Variants in ZNF423 observed in about 807,000 individuals in gnomAD.
ZNF423 encodes zinc finger protein 423.
A neutral mutation model predicts 95.8 loss-of-function variants in ZNF423; 12 were observed. The observed-to-expected ratio is 0.13, with a 90% CI of 0.08 to 0.20. The LOEUF is 0.20. Among genes scored for constraint, ZNF423 ranks in the 10% least tolerant of loss-of-function variants. ZNF423 has a pLI of 1.00. For missense variants in ZNF423, 1,316 were observed against 1,737.1 expected (o/e 0.76, Z 4.31); for synonymous variants, 749 against 711.9 (o/e 1.05, Z -0.83).
At chr16:49,856,174 C>G (rs2035367299), upstream of ZNF423, 1 of 136,576 alleles carries the variant, frequency 7.3e-6, no homozygotes, top group Non-Finnish European at 1.6e-5. Context: ...AACCCCCCGC[C>G]GGCCCCCGGC....
chr16:49,800,294 G>GC (rs1410859147), intron 1 of ZNF423, among the ~76,000 whole-genome samples: 1 of 151,668 alleles, frequency 6.6e-6, no homozygotes, highest in African/African-American at 2.4e-5. Flanking sequence ...TCACTATGTT[G>GC]CCCAGACTGG....
rs186554312 is a variant in ZNF423 at position 49,713,310 on chromosome 16, T to A, written c.301+17461A>T. ...AATCTGACTTCTGAGCATTTGCTCA[T>A]CCGCAGGATCTAAGAGAGCCCAGGG... On this transcript the variant is annotated intron_variant, in intron 3 of 7. Transcript: ENST00000563137. 1.7e-4 allele frequency among the ~76,000 whole-genome samples: 26 copies of A among 152,338 alleles called. No individual in the cohort carries two copies. The East Asian group carries it at 4.8e-3, about 28-fold the overall frequency.
chr16:49,646,156 G>A (rs1973161420), intron 3 of ZNF423, among the ~76,000 whole-genome samples: 1 of 152,210 alleles, frequency 6.6e-6, no homozygotes, highest in Non-Finnish European at 1.5e-5. Context: ...GGACAACCGA[G>A]GAGAGCCAGT....
chr16:49,722,493 G>A (rs1489724629), intron 3 of ZNF423, among the ~76,000 whole-genome samples: 2 of 152,302 alleles, frequency 1.3e-5, no homozygotes, highest in Non-Finnish European at 2.9e-5. Context: ...CACATCCCTA[G>A]AGCCCAGAGG....
intron 1 of ZNF423, among the ~76,000 whole-genome samples, chr16:49,846,230 G>T (rs1487967386): frequency 2.0e-5 from 3 of 151,458 alleles, no homozygotes; most frequent in African/African-American, 4.9e-5. Flanking sequence ...AGCCTGGGAG[G>T]TGGGGGCTGC....
At chr16:49,566,877 G>A (rs1970210342) in intron 5 of ZNF423, among the ~76,000 whole-genome samples, 1 of 152,048 alleles carries the variant, frequency 6.6e-6, no homozygotes, top group Non-Finnish European at 1.5e-5. Flanking sequence ...CCTTGAGACA[G>A]GGTAGCCTGA....
chr16:49,516,876 A>G (rs141967034), intron 7 of ZNF423, among the ~76,000 whole-genome samples: 78 of 152,278 alleles, frequency 5.1e-4, no homozygotes, highest in African/African-American at 1.7e-3. Context: ...GCTGGCTGCC[A>G]CCGCTGTCAC....
At chr16:49,854,640 A>G (rs1256082138) in intron 1 of ZNF423, 2 of 985,142 alleles carry the variant, frequency 2.0e-6, no homozygotes, top group Non-Finnish European at 2.4e-6. Flanking sequence ...CGGGCACCCA[A>G]CCGAGGGGCT....
chr16:49,849,132 G>T (rs896113561), intron 1 of ZNF423, among the ~76,000 whole-genome samples: 16 of 152,068 alleles, frequency 1.1e-4, no homozygotes, highest in Non-Finnish European at 1.8e-4. Context: ...GGGCACACTG[G>T]GATCACCTGA....
At chr16:49,812,375 G>T (rs768433114) in intron 1 of ZNF423, among the ~76,000 whole-genome samples, 6 of 152,188 alleles carry the variant, frequency 3.9e-5, no homozygotes, top group Non-Finnish European at 5.9e-5. Flanking sequence ...GGGAGAGAGG[G>T]CATAGTCAAC....
At chr16:49,784,252 A>G (rs11863203) in intron 2 of ZNF423, among the ~76,000 whole-genome samples, 18,615 of 152,104 alleles carry the variant, frequency 0.12, 1,245 homozygotes, top group East Asian at 0.23. Context: ...AAACTTGTAC[A>G]TTGCCAGGTG....
intron 7 of ZNF423, among the ~76,000 whole-genome samples, chr16:49,509,231 T>G (rs573772704): frequency 6.6e-6 from 1 of 152,266 alleles, no homozygotes; most frequent in East Asian, 1.9e-4. Context: ...TCCCTCTCAC[T>G]GTCCCCTGCC....
Position 49,638,786 on chromosome 16 carries a change from A to G in ZNF423, c.390T>C (p.Gly130=), listed in dbSNP as rs1413464075. 3 of 1,614,008 alleles carry G rather than the reference A, an allele frequency of 1.9e-6. No individual in the cohort carries two copies. Among genetic ancestry groups the G allele is most frequent in the African/African-American group, 2.7e-5 (2 of 74,938 alleles). The part of the protein sequence containing the change: ...VASPTQMIGD[G]CDLGLGEEEG... Reference sequence around the variant, plus strand: ...CCTCCTCGCCGAGGCCGAGGTCACAACCATCTCCGATCATCTGCGTGGGTG... The same window carrying G: ...CCTCCTCGCCGAGGCCGAGGTCACAGCCATCTCCGATCATCTGCGTGGGTG... Residue 130 remains glycine (G), a synonymous_variant, in exon 4 of 8, where the codon GGT becomes GGC. Coordinates refer to ENST00000563137, the MANE Select transcript of ZNF423 (RefSeq NM_001379286.1). This position sits in a 1 kb window ranked among gnomAD's most constrained non-coding sequence, Gnocchi z 5.6.
chr16:49,774,097 G>A (rs77154014), intron 2 of ZNF423, among the ~76,000 whole-genome samples: 2,760 of 152,368 alleles, frequency 0.018, 97 homozygotes, highest in African/African-American at 0.062. Context: ...TCCCTGATGG[G>A]TGAGTCCTAC....
chr16:49,848,831 T>C (rs562942325), intron 1 of ZNF423, among the ~76,000 whole-genome samples: 9 of 152,252 alleles, frequency 5.9e-5, no homozygotes, highest in East Asian at 3.9e-4. Context: ...CTGGAGGCAG[T>C]TGGCAGCAGG....
At chr16:49,764,091 A>G (rs1313069733) in intron 2 of ZNF423, among the ~76,000 whole-genome samples, 1 of 152,184 alleles carries the variant, frequency 6.6e-6, no homozygotes, top group African/African-American at 2.4e-5. Context: ...GAGGAGGTCG[A>G]TGTACTTTTC....
intron 1 of ZNF423, among the ~76,000 whole-genome samples, chr16:49,853,094 G>C (rs1373119216): frequency 6.6e-6 from 1 of 152,150 alleles, no homozygotes; most frequent in Non-Finnish European, 1.5e-5. Flanking sequence ...TCGGGGCCGG[G>C]GAAGTCCACA....
chr16:49,634,854 C>A (rs575999169), intron 4 of ZNF423, among the ~76,000 whole-genome samples: 1 of 152,312 alleles, frequency 6.6e-6, no homozygotes, highest in Non-Finnish European at 1.5e-5. Context: ...GCCTAGACTT[C>A]TCCCCAGCTC....
intron 3 of ZNF423, among the ~76,000 whole-genome samples, chr16:49,656,831 C>T (rs1412174275): frequency 6.6e-6 from 1 of 152,142 alleles, no homozygotes; most frequent in Non-Finnish European, 1.5e-5. Context: ...TTAATATTCA[C>T]AGCAATCTGA....
Sources: allele counts gnomAD v4.1 joint callset (sites outside exome capture counted in the v4.1 genomes callset), GRCh38; gene constraint gnomAD v4.1.1; non-coding constraint Gnocchi (gnomAD v3.1); transcripts MANE v1.5; gene names NCBI Gene and HGNC (gene_info 2026-07-23, HGNC 2026-07-21).